The following WDR87 variants were observed in gnomAD, a reference collection of about 807,000 sequenced individuals.
The protein encoded by WDR87 is WD repeat-containing protein 87.
In WDR87, 56 loss-of-function variants were observed where a neutral mutation model predicts 83.3. That is an observed-to-expected ratio of 0.67 (90% CI 0.54 to 0.84). The LOEUF (loss-of-function observed/expected upper bound fraction) is 0.84. Among genes scored for constraint, WDR87 ranks in the 40% least tolerant of loss-of-function variants. WDR87 has a pLI of 0.00. For missense variants in WDR87, 2,939 were observed against 3,431.9 expected (o/e 0.86, Z 3.59); for synonymous variants, 1,173 against 1,250.6 (o/e 0.94, Z 1.31).
chr19:37,898,143 T>A, intron 2 of WDR87, 22 bp downstream of exon 2: 1 of 1,551,028 alleles, frequency 6.4e-7, no homozygotes, highest in Non-Finnish European at 8.7e-7. Context: ...TATAATATGT[T>A]TATGTCCTAC....
At position 37,895,345 on chromosome 19, in the gene WDR87, T is replaced by C. The variant is rs1402322083; in HGVS notation, c.358A>G (p.Ile120Val). 1 of 1,551,652 alleles carries C rather than the reference T, an allele frequency of 6.4e-7. No homozygotes were observed. Among genetic ancestry groups the C allele is most frequent in the Non-Finnish European group, 8.7e-7 (1 of 1,146,992 alleles). The change falls in exon 4 of 6, where the codon ATC becomes GTC. Residue 120 changes from isoleucine (I) to valine (V), a missense_variant. Transcript: ENST00000447313. Reference sequence around the variant, plus strand: ...AGGTCACCACAGTAGACCACGAGGATATGAAAGGAGCCTGCATGGACCATG... The same window carrying C: ...AGGTCACCACAGTAGACCACGAGGACATGAAAGGAGCCTGCATGGACCATG... Reference protein sequence around the residue: ...QSMVHAGSFHILVVYCGDLIL... With the variant: ...QSMVHAGSFHVLVVYCGDLIL...
Position 37,886,120 on chromosome 19 carries a change from C to T in WDR87, c.7551G>A (p.Glu2517=). 2 of 1,551,718 alleles carry T rather than the reference C, an allele frequency of 1.3e-6. No individual in the cohort carries two copies. The highest frequency in any genetic ancestry group is 1.7e-6 in the Non-Finnish European group (2 of 1,147,000). ...SHILRRTVEA[E]ELQHKPLGAW... is the part of the protein sequence containing the mutation. ...CACCTAGTGGTTTGTGTTGGAGTTC[C>T]TCAGCTTCCACGGTCCTCCTTAATA... is the stretch of plus-strand genomic sequence containing the variant. Residue 2517 remains glutamate, a synonymous_variant, in exon 6 of 6, where the codon GAG becomes GAA. Transcript: ENST00000447313.
At position 37,885,393 on chromosome 19, in the gene WDR87, C is replaced by A. The variant is rs1338575241; in HGVS notation, c.8278G>T (p.Glu2760Ter). 6.4e-7 allele frequency: 1 copy of A among 1,551,866 alleles called. No homozygotes were observed. The highest frequency in any genetic ancestry group is 8.7e-7 in the Non-Finnish European group (1 of 1,147,050). Reference sequence around the variant, plus strand: ...AATGTCTCCCACAAAGGCAACTCTTCCTTTTTTTTAGAAATGGGCTGTGTC... The same window carrying A: ...AATGTCTCCCACAAAGGCAACTCTTACTTTTTTTTAGAAATGGGCTGTGTC... ...KKTQPISKKK[E>*]ELPLWETFVA... Residue 2760 changes from glutamate to a stop codon, truncating the protein, a stop_gained, in exon 6 of 6, where the codon GAA becomes TAA. Coordinates refer to ENST00000447313, the MANE Select transcript of WDR87 (RefSeq NM_001291088.2). LOFTEE classifies it low-confidence loss of function (END_TRUNC).
chr19:37,893,914 T>G lies in WDR87; in HGVS notation c.1789A>C (p.Lys597Gln). ...TGCAGAGGCAGTGTTTCTATGAATT[T>G]CAAGCCATTCTGTGACCCAGAGGAC... ...FLSSGSQNGLKFIETLPLHLC... is the reference protein window; with the variant it reads ...FLSSGSQNGLQFIETLPLHLC... Residue 597 changes from lysine to glutamine, a missense_variant, in exon 4 of 6, where the codon AAA becomes CAA. By Grantham distance (53) the Lys-to-Gln change is moderately conservative. Coordinates refer to ENST00000447313, the MANE Select transcript of WDR87 (RefSeq NM_001291088.2). 1 of 1,551,852 alleles carries G rather than the reference T, an allele frequency of 6.4e-7. No homozygotes were observed. The highest frequency in any genetic ancestry group is 8.7e-7 in the Non-Finnish European group (1 of 1,147,028).
chr19:37,891,449 A>G (rs1217949464), intron 5 of WDR87, 103 bp downstream of exon 5: 2 of 1,415,474 alleles, frequency 1.4e-6, no homozygotes, highest in African/African-American at 1.4e-5. Context: ...GGCATGAGCC[A>G]TCATGTCCCG....
At chr19:37,901,646 G>A (rs1451041850) in intron 1 of WDR87, among the ~76,000 whole-genome samples, 2 of 152,068 alleles carry the variant, frequency 1.3e-5, no homozygotes, top group Non-Finnish European at 2.9e-5. Context: ...ACTATTTGGG[G>A]GAATATTTCT....
intron 1 of WDR87, among the ~76,000 whole-genome samples, chr19:37,905,832 C>T (rs2046323831): frequency 6.6e-6 from 1 of 152,128 alleles, no homozygotes; most frequent in Non-Finnish European, 1.5e-5. Context: ...GGGTATATTT[C>T]TCTTAGCTAG....
chr19:37,902,868 A>AG (rs1431533006), intron 1 of WDR87, among the ~76,000 whole-genome samples: 1 of 152,158 alleles, frequency 6.6e-6, no homozygotes, highest in Admixed American at 6.5e-5. Context: ...GGTGAGTGTG[A>AG]GGGGATCCAG....
rs772926377 is a variant in WDR87 at position 37,888,698 on chromosome 19, GCCTGGGCCAGTTTTCTCTCTT to G, written c.4952_4972del (p.Glu1651_Gln1657del). On this transcript the variant is annotated inframe_deletion, in exon 6 of 6. Transcript: ENST00000447313. ...GTCATCCTGGGTTATTTTCACGTAT[GCCTGGGCCAGTTTTCTCTCTT>G]CCTGGGCCAACTGTCTCTCTTCTTG... The G allele has an allele frequency of 6.5e-7, 1 of 1,549,434 alleles. No individual in the cohort carries two copies.
At chr19:37,900,962 CAAAAAAAAAAA>C (rs878938966) in intron 1 of WDR87, among the ~76,000 whole-genome samples, 12 of 29,512 alleles carry the variant, frequency 4.1e-4, no homozygotes, top group African/African-American at 8.1e-4. Context: ...CCTGTCTCTA[CAAAAAAAAAAA>C]AAAAAAAAAA....
chr19:37,888,346 A>G lies in WDR87; in HGVS notation c.5325T>C (p.Asn1775=). Residue 1775 remains asparagine (N), a synonymous_variant, in exon 6 of 6, where the codon AAT becomes AAC. Transcript: ENST00000447313. ...CCTCAACCAGTTTCCCCTCTTCCTG[A>G]TTCAGTTCCTCTTCTTTCCAAGACA... ...EELSWKEEEL[N]QEEGKLVEEK... is the part of the protein sequence containing the mutation. The G allele has an allele frequency of 6.4e-7, 1 of 1,551,412 alleles. No homozygotes were observed. Among genetic ancestry groups the G allele is most frequent in the South Asian group, 1.2e-5 (1 of 84,014 alleles).
rs933523283 is a variant in WDR87, at chr19:37,893,810, C to T, written c.1893G>A (p.Arg631=). 1 of 1,551,718 alleles carries T rather than the reference C, an allele frequency of 6.4e-7. No individual in the cohort carries two copies. Among genetic ancestry groups the T allele is most frequent in the Non-Finnish European group, 8.7e-7 (1 of 1,147,010 alleles). ...FVTGSADGSV[R]IWDFHGRLIG... is the part of the protein sequence containing the mutation. ...TGAGTCTGCCATGGAAGTCCCAGAT[C>T]CGAACAGAGCCATCGGCAGAACCTG... Residue 631 remains arginine, a synonymous_variant, in exon 4 of 6, where the codon CGG becomes CGA. Transcript: ENST00000447313.
chr19:37,896,830 C>T (rs1188755062), intron 2 of WDR87, among the ~76,000 whole-genome samples: 1 of 151,990 alleles, frequency 6.6e-6, no homozygotes, highest in African/African-American at 2.4e-5. Flanking sequence ...ATGTTGGCCA[C>T]GCTGGTCTTG....
chr19:37,900,560 C>CAAAAAAAAAAAAAAAAAAAAAAAAA (rs58946958), intron 1 of WDR87, among the ~76,000 whole-genome samples: 25 of 78,080 alleles, frequency 3.2e-4, no homozygotes, highest in East Asian at 8.4e-4. Context: ...GACTCCGTCT[C>CAAAAAAAAAAAAAAAAAAAAAAAAA]AAAAAAAAAA....
chr19:37,903,073 GGAGACCTGGCCACCCAAAAGGAAGGTGAT>G (rs1412165851), intron 1 of WDR87, among the ~76,000 whole-genome samples: 2 of 152,212 alleles, frequency 1.3e-5, no homozygotes, highest in Non-Finnish European at 2.9e-5. Flanking sequence ...CATATAACGA[GGAGACCTGGCCACCCAAAAGGAAGGTGAT>G]GAGTGCGCCA....
Position 37,886,100 on chromosome 19 carries a change from A to G in WDR87, c.7571T>C (p.Leu2524Pro). Residue 2524 changes from leucine (L) to proline (P), a missense_variant, in exon 6 of 6, where the codon CTA becomes CCA. Coordinates refer to ENST00000447313, the MANE Select transcript of WDR87 (RefSeq NM_001291088.2). ...CAAAAACCACTTCCACCAGGCACCT[A>G]GTGGTTTGTGTTGGAGTTCCTCAGC... Reference protein sequence around the residue: ...VEAEELQHKPLGAWWKWFLQH... With the variant: ...VEAEELQHKPPGAWWKWFLQH... 6.4e-7 allele frequency: 1 copy of G among 1,551,724 alleles called. No individual in the cohort carries two copies. The highest frequency in any genetic ancestry group is 8.7e-7 in the Non-Finnish European group (1 of 1,146,996).
chr19:37,900,560 C>CAAAAAAAAAAAAAAAAAAA lies in WDR87; in HGVS notation c.-46-2294_-46-2276dup, dbSNP rs58946958. On this transcript the variant is annotated intron_variant, in intron 1 of 5. Coordinates refer to ENST00000447313, the MANE Select transcript of WDR87 (RefSeq NM_001291088.2). ...TCAGTGACAGAGCAAGACTCCGTCTCAAAAAAAAAAAAAAAAAAAGACCCA... is the reference window on the plus strand; with the variant it reads ...TCAGTGACAGAGCAAGACTCCGTCTCAAAAAAAAAAAAAAAAAAAAAAAAAAAAAAAAAAAAAAGACCCA... Among the ~76,000 whole-genome samples, 9 of 78,088 alleles carry CAAAAAAAAAAAAAAAAAAA rather than the reference C, an allele frequency of 1.2e-4. 1 individual carries two copies. The highest frequency in any genetic ancestry group is 1.6e-4 in the Admixed American group (1 of 6,076). The allele number at this position is 78,088 out of a possible 152,430, so 51.2% of individuals were successfully genotyped here. A position where few individuals can be genotyped will look rare whatever the true frequency, so the allele number is the denominator to read the frequency against.
chr19:37,900,642 A>G (rs1274330692), intron 1 of WDR87, among the ~76,000 whole-genome samples: 2 of 150,570 alleles, frequency 1.3e-5, no homozygotes, highest in Non-Finnish European at 3.0e-5. Context: ...TTGCTGGCTG[A>G]TGCTCAGAAG....
At position 37,885,005 on chromosome 19, in the gene WDR87, G is replaced by A. The variant is rs1486266740; in HGVS notation, c.8666C>T (p.Ala2889Val). 1.4e-6 allele frequency: 2 copies of A among 1,406,554 alleles called. No homozygotes were observed. The highest frequency in any genetic ancestry group is 1.9e-6 in the Non-Finnish European group (2 of 1,076,746). 87.1% of individuals were successfully genotyped at this position (1,406,554 alleles called of 1,614,324 possible). A position where few individuals can be genotyped will look rare whatever the true frequency, so the allele number is the denominator to read the frequency against. ...GIARYGILEL[A>V]WKSLPEADLH... ...ATCAGCTTCAGGCAGGCTCTTCCAG[G>A]CAAGTTCTAAGATCCCATACCGGGC... Residue 2889 changes from alanine to valine, a missense_variant, in exon 6 of 6, where the codon GCC becomes GTC. By Grantham distance (64) the Ala-to-Val change is moderately conservative. Coordinates refer to ENST00000447313, the MANE Select transcript of WDR87 (RefSeq NM_001291088.2).
Sources: gnomAD v4.1 joint callset for allele counts (sites outside exome capture counted in the v4.1 genomes callset) on GRCh38, gnomAD v4.1.1 for gene constraint, MANE v1.5 for transcripts, NCBI Gene and HGNC (gene_info 2026-07-23, HGNC 2026-07-21) for gene names.